The following TMPRSS7 variants were observed in gnomAD, a reference collection of about 807,000 sequenced individuals.
TMPRSS7 encodes the protein transmembrane serine protease 7.
In TMPRSS7, 81 loss-of-function variants were observed where a neutral mutation model predicts 95.6. That is an observed-to-expected ratio of 0.85 (90% CI 0.71 to 1.02). TMPRSS7 has a LOEUF of 1.02. Among genes scored for constraint, TMPRSS7 ranks in the 50% least tolerant of loss-of-function variants. TMPRSS7 has a pLI of 0.00. For synonymous variants in TMPRSS7, 364 were observed against 337.8 expected (o/e 1.08, Z -0.85); for missense variants, 945 against 955.2 (o/e 0.99, Z 0.14).
intron 2 of TMPRSS7, among the ~76,000 whole-genome samples, chr3:112,040,175 C>A (rs570194559): frequency 6.6e-6 from 1 of 152,110 alleles, no homozygotes; most frequent in Non-Finnish European, 1.5e-5. Flanking sequence ...CTGTCTTGAA[C>A]GGTTCAGGTC....
intron 13 of TMPRSS7, among the ~76,000 whole-genome samples, chr3:112,068,831 T>G (rs911654017): frequency 1.3e-5 from 2 of 152,198 alleles, no homozygotes; most frequent in Non-Finnish European, 2.9e-5. Context: ...TTCTGCCTGA[T>G]TGCCCTGGCC....
intron 10 of TMPRSS7, among the ~76,000 whole-genome samples, chr3:112,057,923 G>A (rs2073451576): frequency 6.6e-6 from 1 of 151,878 alleles, no homozygotes; most frequent in African/African-American, 2.4e-5. Context: ...ATGGGGTTTT[G>A]CCATGTTGGC....
At chr3:112,080,395 C>T (rs168151) in intron 17 of TMPRSS7, among the ~76,000 whole-genome samples, 144,914 of 152,220 alleles carry the variant, frequency 0.95, 69,307 homozygotes, top group Non-Finnish European at 1. Context: ...TATGAGCTAA[C>T]CACTAAAGTT....
At chr3:112,051,987 G>A (rs900020029) in intron 9 of TMPRSS7, among the ~76,000 whole-genome samples, 2 of 152,290 alleles carry the variant, frequency 1.3e-5, no homozygotes, top group African/African-American at 2.4e-5. Context: ...AGATACTGGG[G>A]ATCCACGAAA....
At chr3:112,071,133 C>T (rs2073641109) in intron 13 of TMPRSS7, among the ~76,000 whole-genome samples, 1 of 152,190 alleles carries the variant, frequency 6.6e-6, no homozygotes, top group Admixed American at 6.5e-5. Flanking sequence ...TCTTGTAAGG[C>T]AGGCCTAGTG....
intron 12 of TMPRSS7, among the ~76,000 whole-genome samples, chr3:112,066,134 G>T (rs1482029142): frequency 6.6e-6 from 1 of 152,148 alleles, no homozygotes; most frequent in African/African-American, 2.4e-5. Context: ...GCATTTAATT[G>T]TAACTAAATA....
chr3:112,066,153 A>G (rs1324633455), intron 12 of TMPRSS7, among the ~76,000 whole-genome samples: 1 of 152,260 alleles, frequency 6.6e-6, no homozygotes, highest in East Asian at 1.9e-4. Flanking sequence ...TAAACAAGCC[A>G]TCAGAGTTTA....
intron 10 of TMPRSS7, among the ~76,000 whole-genome samples, chr3:112,059,561 T>C (rs2073474897): frequency 6.6e-6 from 1 of 152,168 alleles, no homozygotes; most frequent in East Asian, 1.9e-4. Flanking sequence ...TCAGATAACA[T>C]AATCAGCATG....
At chr3:112,081,120 A>G (rs1346854204) in exon 18 of TMPRSS7, 3 of 1,568,904 alleles carry the variant, frequency 1.9e-6, no homozygotes, top group Non-Finnish European at 2.6e-6. Context: ...ATTTATGTTA[A>G]AAATAGATAC....
At chr3:112,037,406 A>G (rs1033905667) in intron 1 of TMPRSS7, among the ~76,000 whole-genome samples, 13 of 152,180 alleles carry the variant, frequency 8.5e-5, no homozygotes, top group Non-Finnish European at 2.9e-5. Flanking sequence ...AGGAAATTCC[A>G]GGTTGGCGAA....
exon 17 of TMPRSS7, chr3:112,078,778 T>C (rs2073743308): frequency 6.2e-7 from 1 of 1,614,208 alleles, no homozygotes. Context: ...CAAGCGGAGG[T>C]AGAGCTCATT....
At chr3:112,048,606 T>C (rs2073308798) in intron 7 of TMPRSS7, among the ~76,000 whole-genome samples, 2 of 152,228 alleles carry the variant, frequency 1.3e-5, no homozygotes, top group Non-Finnish European at 2.9e-5. Flanking sequence ...TATTACTCAC[T>C]GTGCTAAAAA....
exon 10 of TMPRSS7, chr3:112,057,074 T>C: frequency 3.1e-6 from 5 of 1,613,458 alleles, no homozygotes; most frequent in Non-Finnish European, 3.4e-6. Flanking sequence ...AACTATTCAA[T>C]AACCAAGAAG....
At chr3:112,053,350 T>G (rs913227789) in intron 9 of TMPRSS7, among the ~76,000 whole-genome samples, 1 of 152,222 alleles carries the variant, frequency 6.6e-6, no homozygotes, top group Admixed American at 6.5e-5. Context: ...CACTTCCAGC[T>G]GAGCTTTAAG....
intron 13 of TMPRSS7, among the ~76,000 whole-genome samples, chr3:112,071,864 T>C (rs769607116): frequency 1.3e-4 from 19 of 151,998 alleles, no homozygotes; most frequent in Non-Finnish European, 2.2e-4. Context: ...TTTTTCAAGG[T>C]TTTTAGCTTC....
At chr3:112,060,259 A>G (rs111754447) in intron 10 of TMPRSS7, among the ~76,000 whole-genome samples, 1 of 152,318 alleles carries the variant, frequency 6.6e-6, no homozygotes, top group African/African-American at 2.4e-5. Context: ...GCAAAATTAA[A>G]ATTGCTAATG....
chr3:112,067,671 G>A (rs952400009), intron 13 of TMPRSS7, among the ~76,000 whole-genome samples: 5 of 152,108 alleles, frequency 3.3e-5, no homozygotes, highest in Non-Finnish European at 7.4e-5. Flanking sequence ...ACTTTTTGAT[G>A]GGGTTGCTTG....
Position 112,068,356 on chromosome 3 carries a change from C to T in TMPRSS7, c.1666+1854C>T, listed in dbSNP as rs531583130. Among the ~76,000 whole-genome samples the T allele has an allele frequency of 5.3e-5, 8 of 152,124 alleles. No homozygotes were observed. The South Asian group carries it at 1.2e-3, about 24-fold the overall frequency. On this transcript the variant is annotated intron_variant, in intron 13 of 17. Coordinates refer to ENST00000452346, the Ensembl canonical transcript of TMPRSS7. ...CTTAAAGTAGTGTTTTCCAGTTCTG[C>T]GAAGAAAGTCATTGGTAGCTTGATG...
At chr3:112,058,656 G>A (rs750094619) in intron 10 of TMPRSS7, among the ~76,000 whole-genome samples, 5 of 152,148 alleles carry the variant, frequency 3.3e-5, no homozygotes, top group Non-Finnish European at 5.9e-5. Context: ...ATAGAGATTT[G>A]TAAAGAAAAC....
Sources: gnomAD v4.1 joint callset for allele counts (sites outside exome capture counted in the v4.1 genomes callset) on GRCh38, gnomAD v4.1.1 for gene constraint, MANE v1.5 for transcripts, NCBI Gene and HGNC (gene_info 2026-07-23, HGNC 2026-07-21) for gene names.